WDR3: variants seen among roughly 807,000 people sequenced by gnomAD.
WDR3 encodes WD repeat domain 3.
A neutral mutation model predicts 123.7 loss-of-function variants in WDR3; 81 were observed. That is an observed-to-expected ratio of 0.65 (90% confidence interval 0.55 to 0.79). The LOEUF (loss-of-function observed/expected upper bound fraction) is 0.79. Among genes scored for constraint, WDR3 ranks in the 30% least tolerant of loss-of-function variants. WDR3 has a pLI of 0.00. For synonymous variants in WDR3, 390 were observed against 388.8 expected (o/e 1.00, Z -0.04); for missense variants, 1,027 against 1,123.2 (o/e 0.91, Z 1.22).
In WDR3 at chr1:117,959,114, AT is replaced by A. The variant is rs1271666696; in HGVS notation, c.2676+112del. The A allele has an allele frequency of 5.4e-6, 7 of 1,287,142 alleles. No individual in the cohort carries two copies. The African/African-American group carries it at 1.1e-4, about 19-fold the overall frequency. The allele number at this position is 1,287,142 out of a possible 1,614,324, so 79.7% of individuals were successfully genotyped here. On this transcript the variant is annotated intron_variant, in intron 26 of 26. Coordinates refer to ENST00000349139, the MANE Select transcript of WDR3 (RefSeq NM_006784.3). ...AGCAATACCCACCACCGATAAATCC[AT>A]ATTTGAGATAGTTTTTGTTAGAATT...
At chr1:117,939,620 G>C in intron 6 of WDR3, 48 bp downstream of exon 6, 1 of 1,568,430 alleles carries the variant, frequency 6.4e-7, no homozygotes, top group Non-Finnish European at 8.8e-7. Context: ...AGTTTCATAA[G>C]CACCTTGGAT....
intron 4 of WDR3, among the ~76,000 whole-genome samples, chr1:117,937,796 C>G (rs1052097722): frequency 2.0e-5 from 3 of 151,894 alleles, no homozygotes; most frequent in African/African-American, 7.3e-5. Context: ...GTAGTAGAGG[C>G]CATTGGCTGC....
At chr1:117,955,263 T>C (rs1246181201) in intron 23 of WDR3, 52 bp from the exon 24 acceptor site, 2 of 1,509,042 alleles carry the variant, frequency 1.3e-6, no homozygotes, top group Admixed American at 1.9e-5. Context: ...TAGAGAACTT[T>C]AGTAGAAACC....
Position 117,950,833 on chromosome 1 carries a change from G to GT in WDR3, c.1752dup (p.Leu585SerfsTer18). 1 of 1,606,166 alleles carries GT rather than the reference G, an allele frequency of 6.2e-7. No homozygotes were observed. Among genetic ancestry groups the GT allele is most frequent in the Non-Finnish European group, 8.5e-7 (1 of 1,177,364 alleles). Reference sequence around the variant, plus strand: ...ATTAATTATGTTTTTTTGATGTTTAGTTTTTTCTGTCACTGTATGGACACA... The same window carrying GT: ...ATTAATTATGTTTTTTTGATGTTTAGTTTTTTTCTGTCACTGTATGGACACA... On this transcript the variant is annotated frameshift_variant and splice_region_variant. Transcript: ENST00000349139. LOFTEE classifies it high-confidence loss of function.
At position 117,959,003 on chromosome 1, in the gene WDR3, G is replaced by T; in HGVS notation, c.2676G>T (p.Arg892=). Residue 892 remains arginine (R), a splice_region_variant and synonymous_variant, in exon 26 of 27, where the codon CGG becomes CGT. Coordinates refer to ENST00000349139, the MANE Select transcript of WDR3 (RefSeq NM_006784.3). ...CTATTTCAAAAGTCAGCCAAGTCCGGGTAAGTGTCTTTGTATAGAGATAAA... is the reference window on the plus strand; with the variant it reads ...CTATTTCAAAAGTCAGCCAAGTCCGTGTAAGTGTCTTTGTATAGAGATAAA... ...ETTISKVSQV[R]DVIGFNMAGL... The T allele has an allele frequency of 1.2e-6, 2 of 1,613,436 alleles. No homozygotes were observed. Among genetic ancestry groups the T allele is most frequent in the Non-Finnish European group, 1.7e-6 (2 of 1,179,614 alleles).
At position 117,957,080 on chromosome 1, in the gene WDR3, A is replaced by C. The variant is rs774322110; in HGVS notation, c.2466A>C (p.Glu822Asp). Residue 822 changes from glutamate (E) to aspartate (D), a missense_variant, in exon 25 of 27, where the codon GAA (glutamate) becomes GAC (aspartate). Transcript: ENST00000349139. ...FKGIKSSELE[E>D]SLLVLPFSYV... Reference sequence around the variant, plus strand: ...TTTTCTTTTTCAGTGAGCTGGAAGAATCTCTACTTGTGCTGCCTTTCTCTT... The same window carrying C: ...TTTTCTTTTTCAGTGAGCTGGAAGACTCTCTACTTGTGCTGCCTTTCTCTT... The C allele has an allele frequency of 7.6e-6, 12 of 1,586,082 alleles. No individual in the cohort carries two copies. In the South Asian group the frequency reaches 1.3e-4, roughly 17 times the overall value.
chr1:117,947,768 C>CAGAA (rs1651458623), intron 12 of WDR3, among the ~76,000 whole-genome samples: 1 of 152,210 alleles, frequency 6.6e-6, no homozygotes, highest in Admixed American at 6.5e-5. Flanking sequence ...CCACCTTGTG[C>CAGAA]AGAAGCTCAT....
Position 117,959,118 on chromosome 1 carries a change from T to A in WDR3, c.2676+115T>A. 2.3e-6 allele frequency: 3 copies of A among 1,290,756 alleles called. No individual in the cohort carries two copies. The South Asian group carries it at 4.4e-5, about 19-fold the overall frequency. 80.0% of individuals were successfully genotyped at this position (1,290,756 alleles called of 1,614,324 possible). A position where few individuals can be genotyped will look rare whatever the true frequency, so the allele number is the denominator to read the frequency against. On this transcript the variant is annotated intron_variant, in intron 26 of 26. Transcript: ENST00000349139. ...ATACCCACCACCGATAAATCCATAT[T>A]TGAGATAGTTTTTGTTAGAATTAGT...
Position 117,945,852 on chromosome 1 carries a change from C to G in WDR3, c.1329-234C>G, listed in dbSNP as rs548713904. On this transcript the variant is annotated intron_variant, in intron 11 of 26. Transcript: ENST00000349139. ...GGAGCCCAGCAGACACTTTTCTACTCTGCTTTTGTGTGATTTCTGTTCCTT... is the reference window on the plus strand; with the variant it reads ...GGAGCCCAGCAGACACTTTTCTACTGTGCTTTTGTGTGATTTCTGTTCCTT... Among the ~76,000 whole-genome samples the G allele has an allele frequency of 1.1e-4, 17 of 152,310 alleles. No homozygotes were observed. In the South Asian group the frequency reaches 3.5e-3, roughly 32 times the overall value.
In WDR3 at chr1:117,960,038, A is replaced by C. The variant is rs1652823247; in HGVS notation, c.*591A>C. On this transcript the variant is annotated 3_prime_UTR_variant, in exon 27 of 27. Coordinates refer to ENST00000349139, the MANE Select transcript of WDR3 (RefSeq NM_006784.3). ...CTAACTGTTTATACTTTTCTGAATA[A>C]AATAGTTGTTTCTAATTAAAAAGTA... 1 of 152,102 alleles carries C rather than the reference A, an allele frequency of 6.6e-6. No homozygotes were observed. The highest frequency in any genetic ancestry group is 2.1e-4 in the South Asian group (1 of 4,834). The allele number at this position is 152,102 out of a possible 1,614,324, so 9.4% of individuals were successfully genotyped here. A position where few individuals can be genotyped will look rare whatever the true frequency, so the allele number is the denominator to read the frequency against.
intron 9 of WDR3, 125 bp from the exon 10 acceptor site, chr1:117,942,312 G>A (rs1651198474): frequency 5.5e-6 from 4 of 733,634 alleles, no homozygotes; most frequent in Non-Finnish European, 9.6e-6. Flanking sequence ...GTAATCCTGT[G>A]TGGTTAAGTG....
At chr1:117,942,974 A>T (rs561361740) in intron 10 of WDR3, among the ~76,000 whole-genome samples, 1 of 139,852 alleles carries the variant, frequency 7.2e-6, no homozygotes, top group Admixed American at 7.7e-5. Flanking sequence ...TTTTTTTGAG[A>T]TGGAGTCTTG....
chr1:117,951,702 C>T (rs935181535), intron 16 of WDR3, among the ~76,000 whole-genome samples: 17 of 151,930 alleles, frequency 1.1e-4, no homozygotes, highest in Non-Finnish European at 2.4e-4. Flanking sequence ...TCCTATCTAA[C>T]GAAGTAAATA....
At position 117,960,879 on chromosome 1, in the gene WDR3, T is replaced by TTTA. The variant is rs1652988041; in HGVS notation, c.*1432_*1433insTTA. ...GGCAGTAAATGATAAAATAGTCTAG[T>TTTA]ATCTACATATATTTTGTGCATTCAT... is the stretch of plus-strand genomic sequence containing the variant. On this transcript the variant is annotated 3_prime_UTR_variant, in exon 27 of 27. Transcript: ENST00000349139. 1 of 152,370 alleles carries TTTA rather than the reference T, an allele frequency of 6.6e-6. No individual in the cohort carries two copies. Among genetic ancestry groups the TTTA allele is most frequent in the African/African-American group, 2.4e-5 (1 of 41,590 alleles). The allele number at this position is 152,370 out of a possible 1,614,324, so 9.4% of individuals were successfully genotyped here.
intron 6 of WDR3, 91 bp downstream of exon 6, chr1:117,939,663 A>G (rs1055404567): frequency 7.9e-7 from 1 of 1,263,316 alleles, no homozygotes; most frequent in Non-Finnish European, 1.1e-6. Context: ...AGTACTTCAC[A>G]TCATATTAGA....
At chr1:117,944,188 G>A (rs1651285030) in intron 11 of WDR3, among the ~76,000 whole-genome samples, 1 of 152,128 alleles carries the variant, frequency 6.6e-6, no homozygotes, top group African/African-American at 2.4e-5. Flanking sequence ...AACAGTCATT[G>A]TCATCAGTGA....
At chr1:117,944,744 C>G (rs952899912) in intron 11 of WDR3, among the ~76,000 whole-genome samples, 36 of 152,158 alleles carry the variant, frequency 2.4e-4, no homozygotes, top group Non-Finnish European at 4.0e-4. Context: ...CTCTGTCGCC[C>G]AGGCTGGAGT....
chr1:117,953,565 T>G, intron 21 of WDR3, 24 bp downstream of exon 21: 1 of 1,601,892 alleles, frequency 6.2e-7, no homozygotes, highest in Non-Finnish European at 8.5e-7. Flanking sequence ...GAATGTGGTA[T>G]CTCGTTTTTT....
At chr1:117,952,745 T>C in intron 19 of WDR3, 83 bp downstream of exon 19, 2 of 1,536,908 alleles carry the variant, frequency 1.3e-6, no homozygotes, top group South Asian at 2.5e-5. Flanking sequence ...CTAGTGCAGT[T>C]ACACCTGATG....
Sources: allele counts gnomAD v4.1 joint callset (sites outside exome capture counted in the v4.1 genomes callset), GRCh38; gene constraint gnomAD v4.1.1; transcripts MANE v1.5; gene names NCBI Gene and HGNC (gene_info 2026-07-23, HGNC 2026-07-21).